DNAJB11: variants seen among roughly 807,000 people sequenced by gnomAD.
The protein encoded by DNAJB11 is DnaJ heat shock protein family (Hsp40) member B11, also known as dnaJ homolog subfamily B member 11.
Under a neutral mutation model 47.2 loss-of-function variants are expected in DNAJB11, and 30 were observed. The ratio of observed to expected loss-of-function variants is 0.64; its 90% CI spans 0.48 to 0.86. The LOEUF (loss-of-function observed/expected upper bound fraction) is 0.86. Among genes scored for constraint, DNAJB11 ranks in the 40% least tolerant of loss-of-function variants. DNAJB11 has a pLI of 0.00. For synonymous variants in DNAJB11, 151 were observed against 159.9 expected (o/e 0.94, Z 0.42); for missense variants, 357 against 440.2 (o/e 0.81, Z 1.69).
chr3:186,574,282 T>C (rs994354742), intron 2 of DNAJB11, among the ~76,000 whole-genome samples: 14 of 152,314 alleles, frequency 9.2e-5, no homozygotes, highest in Admixed American at 7.2e-4. Flanking sequence ...TGATAATGAC[T>C]TCAAGAGTAG....
Position 186,571,021 on chromosome 3 carries a change from G to A in DNAJB11, c.68+56G>A, listed in dbSNP as rs3733160. ...CCTGTGGGTCAGCCTTTGCTGGGGG[G>A]TGGGAGGGGGTGGGGGAAGTGGCAT... On this transcript the variant is annotated intron_variant, in intron 1 of 9. Transcript: ENST00000265028. 0.11 allele frequency: 111,186 copies of A among 1,003,232 alleles called. 11,931 individuals carry two copies. Among genetic ancestry groups the A allele is most frequent in the African/African-American group, 0.37 (20,196 of 54,996 alleles). The allele number at this position is 1,003,232 out of a possible 1,614,324, so 62.1% of individuals were successfully genotyped here.
At chr3:186,584,153 G>C (rs773081576) in intron 8 of DNAJB11, among the ~76,000 whole-genome samples, 177 bp downstream of exon 8, 1 of 152,190 alleles carries the variant, frequency 6.6e-6, no homozygotes, top group Non-Finnish European at 1.5e-5. Context: ...AGACCTTTCA[G>C]CTACTCAGAA....
At position 186,581,472 on chromosome 3, in the gene DNAJB11, A is replaced by G. The variant is rs1715482487; in HGVS notation, c.558A>G (p.Gln186=). The change falls in exon 5 of 10, where the codon CAA becomes CAG. Residue 186 remains glutamine, a synonymous_variant. Coordinates refer to ENST00000265028, the MANE Select transcript of DNAJB11 (RefSeq NM_016306.6). ...CCCAGCTGGGCCCTGGGCGCTTCCA[A>G]ATGACCCAGGAGGTGGTCTGCGACG... The part of the protein sequence containing the change: ...RTTQLGPGRF[Q]MTQEVVCDEC... 3.7e-6 allele frequency: 6 copies of G among 1,613,762 alleles called. No homozygotes were observed. The highest frequency in any genetic ancestry group is 5.1e-6 in the Non-Finnish European group (6 of 1,179,960).
chr3:186,581,124 T>G (rs1038819543), intron 4 of DNAJB11: 2 of 414,248 alleles, frequency 4.8e-6, no homozygotes, highest in Non-Finnish European at 8.7e-6. Context: ...GTTCTCTTGT[T>G]TCTTACTCCC....
intron 4 of DNAJB11, 151 bp from the exon 5 acceptor site, chr3:186,581,220 A>G (rs1236605833): frequency 2.4e-6 from 2 of 831,036 alleles, no homozygotes; most frequent in African/African-American, 1.7e-5. Flanking sequence ...GTACTCTTCA[A>G]AGAGTTTTGT....
At position 186,577,730 on chromosome 3, in the gene DNAJB11, C is replaced by T. The variant is rs1411626775; in HGVS notation, c.386C>T (p.Pro129Leu). ...CCTCGTCAGCAAGACAGAAATATTC[C>T]AAGAGGAAGTGATATTATTGTAGAT... ...GTPRQQDRNIPRGSDIIVDLE... is the reference protein window; with the variant it reads ...GTPRQQDRNILRGSDIIVDLE... The change falls in exon 4 of 10, where the codon CCA (proline) becomes CTA (leucine). Residue 129 changes from proline to leucine, a missense_variant. Transcript: ENST00000265028. 1 of 1,607,468 alleles carries T rather than the reference C, an allele frequency of 6.2e-7. No individual in the cohort carries two copies. Among genetic ancestry groups the T allele is most frequent in the African/African-American group, 1.3e-5 (1 of 74,436 alleles).
chr3:186,581,665 TC>T (rs954388337), intron 5 of DNAJB11, 152 bp downstream of exon 5: 1 of 937,412 alleles, frequency 1.1e-6, no homozygotes, highest in African/African-American at 1.7e-5. Flanking sequence ...TACATTTTTT[TC>T]TGAAGTATTT....
At chr3:186,582,669 T>C (rs1263869205) in intron 6 of DNAJB11, 47 bp from the exon 7 acceptor site, 2 of 1,459,880 alleles carry the variant, frequency 1.4e-6, no homozygotes, top group Non-Finnish European at 1.9e-6. Flanking sequence ...AGATTTGTGG[T>C]ATTCAACTTG....
intron 2 of DNAJB11, among the ~76,000 whole-genome samples, chr3:186,573,993 C>T (rs1715178090): frequency 6.6e-6 from 1 of 152,226 alleles, no homozygotes; most frequent in South Asian, 2.1e-4. Flanking sequence ...GCCACTAGTT[C>T]AAATTTCTGT....
chr3:186,575,675 G>A lies in DNAJB11; in HGVS notation c.226-165G>A, dbSNP rs139853006. 3.8e-3 allele frequency among the ~76,000 whole-genome samples: 581 copies of A among 152,302 alleles called. 5 individuals are homozygous for A. Among genetic ancestry groups the A allele is most frequent in the African/African-American group, 0.014 (563 of 41,558 alleles). The stretch of plus-strand genomic sequence containing the variant: ...CAGTGCATCAAAGAATTTAGTCTTA[G>A]AGAAAATAACTTTGTAAATATGCCT... On this transcript the variant is annotated intron_variant, in intron 2 of 9. Transcript: ENST00000265028.
intron 2 of DNAJB11, among the ~76,000 whole-genome samples, chr3:186,572,800 C>T (rs1715131083): frequency 6.6e-6 from 1 of 152,178 alleles, no homozygotes; most frequent in Non-Finnish European, 1.5e-5. Context: ...AGCCTTCTGG[C>T]CCCATTTCAA....
Position 186,584,455 on chromosome 3 carries a change from C to G in DNAJB11, c.878C>G (p.Thr293Ser). 6.4e-7 allele frequency: 1 copy of G among 1,566,290 alleles called. No homozygotes were observed. The highest frequency in any genetic ancestry group is 8.6e-7 in the Non-Finnish European group (1 of 1,163,870). ...HKVHISRDKI[T>S]RPGAKLWKKG... is the part of the protein sequence containing the mutation. The stretch of plus-strand genomic sequence containing the variant: ...GTACATATTTCCCGGGATAAGATCA[C>G]CAGGCCAGGAGCGAAGCTATGGAAG... Residue 293 changes from threonine (T) to serine (S), a missense_variant, in exon 9 of 10, where the codon ACC (threonine) becomes AGC (serine). Coordinates refer to ENST00000265028, the MANE Select transcript of DNAJB11 (RefSeq NM_016306.6).
At chr3:186,575,538 C>G (rs9841333) in intron 2 of DNAJB11, among the ~76,000 whole-genome samples, 7 of 151,954 alleles carry the variant, frequency 4.6e-5, no homozygotes, top group Admixed American at 3.9e-4. Context: ...TCTTTCCTGT[C>G]ACCACCCTGA....
At chr3:186,575,679 A>G (rs1486248443) in intron 2 of DNAJB11, among the ~76,000 whole-genome samples, 161 bp from the exon 3 acceptor site, 1 of 152,244 alleles carries the variant, frequency 6.6e-6, no homozygotes, top group African/African-American at 2.4e-5. Context: ...GTCTTAGAGA[A>G]AATAACTTTG....
chr3:186,575,549 C>G (rs748325134), intron 2 of DNAJB11, among the ~76,000 whole-genome samples: 4 of 152,120 alleles, frequency 2.6e-5, no homozygotes, highest in Non-Finnish European at 5.9e-5. Flanking sequence ...ACCACCCTGA[C>G]CTTCACAGCT....
At chr3:186,576,671 C>T (rs761404690) in intron 3 of DNAJB11, among the ~76,000 whole-genome samples, 47 of 152,066 alleles carry the variant, frequency 3.1e-4, no homozygotes, top group Non-Finnish European at 2.1e-4. Context: ...TAGTAGTTAC[C>T]ACCATTTAGT....
At chr3:186,571,984 A>G in intron 1 of DNAJB11, 111 bp from the exon 2 acceptor site, 1 of 895,408 alleles carries the variant, frequency 1.1e-6, no homozygotes, top group Non-Finnish European at 1.6e-6. Context: ...CTTCATTTTT[A>G]TACCTCTTTG....
Position 186,578,834 on chromosome 3 carries a change from C to G in DNAJB11, c.456+1034C>G, listed in dbSNP as rs1028252415. The G allele has an allele frequency of 5.9e-5, 9 of 152,336 alleles. 1 individual carries two copies. Among genetic ancestry groups the G allele is most frequent in the Admixed American group, 2.6e-4 (4 of 15,306 alleles). 9.4% of individuals were successfully genotyped at this position (152,336 alleles called of 1,614,324 possible). ...TATGTTTAAGATTTATTTCAATTTTCAGCAAACAGAACTAATTAATGTAAT... is the reference window on the plus strand; with the variant it reads ...TATGTTTAAGATTTATTTCAATTTTGAGCAAACAGAACTAATTAATGTAAT... On this transcript the variant is annotated intron_variant, in intron 4 of 9. Coordinates refer to ENST00000265028, the MANE Select transcript of DNAJB11 (RefSeq NM_016306.6).
rs201122072 is a variant in DNAJB11 at position 186,577,825 on chromosome 3, C to T, written c.456+25C>T. On this transcript the variant is annotated intron_variant, in intron 4 of 9. Transcript: ENST00000265028. ...AGTAAGTTCAAACAATATAGCTGTTCATATTGACTCCCAGAACTTGCACTT... is the reference window on the plus strand; with the variant it reads ...AGTAAGTTCAAACAATATAGCTGTTTATATTGACTCCCAGAACTTGCACTT... 2.6e-5 allele frequency: 40 copies of T among 1,549,666 alleles called. 2 individuals carry two copies. In the Admixed American group the frequency reaches 6.4e-4, roughly 25 times the overall value.
Sources: gnomAD v4.1 joint callset for allele counts (sites outside exome capture counted in the v4.1 genomes callset) on GRCh38, gnomAD v4.1.1 for gene constraint, MANE v1.5 for transcripts, NCBI Gene and HGNC (gene_info 2026-07-23, HGNC 2026-07-21) for gene names.